Variants in BTBD9 observed in about 807,000 individuals in gnomAD.
BTBD9 encodes the protein BTB domain containing 9, also known as BTB/POZ domain-containing protein 9.
Under a neutral mutation model 64.3 loss-of-function variants are expected in BTBD9, and 49 were observed. That is an observed-to-expected ratio of 0.76 (90% CI 0.61 to 0.97). The LOEUF is 0.97. BTBD9 is among the 50% of genes least tolerant of loss of function. The pLI, the probability that BTBD9 is intolerant of heterozygous loss-of-function variation, is 0.00. For missense variants in BTBD9, 598 were observed against 762.1 expected, an observed-to-expected ratio of 0.78 and a Z score of 2.53; for synonymous variants, 260 against 274.7, an observed-to-expected ratio of 0.95 and a Z score of 0.53.
At chr6:38,545,778 CAA>C (rs1224870392) in intron 6 of BTBD9, among the ~76,000 whole-genome samples, 73 of 68,886 alleles carry the variant, frequency 1.1e-3, no homozygotes, top group African/African-American at 1.6e-3. Flanking sequence ...GACTCCGTCT[CAA>C]AAAAAAAAAA....
intron 6 of BTBD9, among the ~76,000 whole-genome samples, chr6:38,377,136 C>T (rs985482049): frequency 1.3e-5 from 2 of 152,158 alleles, no homozygotes; most frequent in African/African-American, 4.8e-5. Flanking sequence ...ACATGTTTCT[C>T]ATTCAAAGTG....
chr6:38,504,521 CAGTT>C (rs774658728), intron 6 of BTBD9: 20 of 456,720 alleles, frequency 4.4e-5, no homozygotes, highest in South Asian at 3.1e-4. Flanking sequence ...CTGTCACTGT[CAGTT>C]AGATCCCTCT....
chr6:38,577,734 G>GA lies in BTBD9; in HGVS notation c.1035-16dup. ...ATGAGTAAGACCTGTGAATCAAAAG[G>GA]AAAAAGCAGAAAAAAATTACCACAT... On this transcript the variant is annotated splice_polypyrimidine_tract_variant and intron_variant, in intron 5 of 10. Coordinates refer to ENST00000481247, the MANE Select transcript of BTBD9 (RefSeq NM_001099272.2). The GA allele has an allele frequency of 6.3e-7, 1 of 1,590,628 alleles. No homozygotes were observed. The highest frequency in any genetic ancestry group is 8.5e-7 in the Non-Finnish European group (1 of 1,174,462).
intron 6 of BTBD9, among the ~76,000 whole-genome samples, chr6:38,506,777 TA>T (rs1484220875): frequency 1.1e-4 from 16 of 152,240 alleles, no homozygotes; most frequent in African/African-American, 3.6e-4. Context: ...TGACTTTTTT[TA>T]GAATGTAAAT....
chr6:38,442,661 CTTTTTTTT>C (rs11313452), intron 6 of BTBD9, among the ~76,000 whole-genome samples: 157 of 57,572 alleles, frequency 2.7e-3, no homozygotes, highest in African/African-American at 9.6e-3. Flanking sequence ...CATTTGTACT[CTTTTTTTT>C]TTTTTTTTTT....
intron 6 of BTBD9, among the ~76,000 whole-genome samples, chr6:38,466,160 T>C (rs1383033161): frequency 1.3e-5 from 2 of 152,102 alleles, no homozygotes; most frequent in Non-Finnish European, 2.9e-5. Context: ...AACTAAGATG[T>C]CTAATTTATT....
chr6:38,526,158 G>C (rs1412171856), intron 6 of BTBD9, among the ~76,000 whole-genome samples: 1 of 152,232 alleles, frequency 6.6e-6, no homozygotes, highest in African/African-American at 2.4e-5. Flanking sequence ...CTGCTGCTCT[G>C]TGCAGCCTTG....
chr6:38,328,019 C>T (rs1349926106), intron 7 of BTBD9, among the ~76,000 whole-genome samples: 2 of 152,170 alleles, frequency 1.3e-5, no homozygotes, highest in Non-Finnish European at 2.9e-5. Flanking sequence ...TTGTCCCTCA[C>T]TTAAAGTAGG....
At chr6:38,376,319 G>C (rs763010592) in intron 6 of BTBD9, among the ~76,000 whole-genome samples, 2 of 152,144 alleles carry the variant, frequency 1.3e-5, no homozygotes, top group Non-Finnish European at 2.9e-5. Flanking sequence ...TAATGCTGAA[G>C]AGTATTCCAA....
chr6:38,468,335 C>G (rs1770489604), intron 6 of BTBD9, among the ~76,000 whole-genome samples: 3 of 152,204 alleles, frequency 2.0e-5, no homozygotes, highest in African/African-American at 7.2e-5. Context: ...TCCTAACATT[C>G]CCTACATACC....
At chr6:38,545,470 A>G (rs1774489688) in intron 6 of BTBD9, among the ~76,000 whole-genome samples, 1 of 152,052 alleles carries the variant, frequency 6.6e-6, no homozygotes, top group Admixed American at 6.6e-5. Flanking sequence ...GAAACACTGA[A>G]TTGCACACTT....
intron 6 of BTBD9, among the ~76,000 whole-genome samples, chr6:38,463,526 T>C (rs2127355665): frequency 6.6e-6 from 1 of 152,342 alleles, no homozygotes; most frequent in South Asian, 2.1e-4. Flanking sequence ...ATGCCCTTGA[T>C]CAGTTTTAGG....
At chr6:38,260,202 A>G (rs1764742968) in intron 8 of BTBD9, among the ~76,000 whole-genome samples, 1 of 152,188 alleles carries the variant, frequency 6.6e-6, no homozygotes, top group South Asian at 2.1e-4. Flanking sequence ...TGTTCCATAT[A>G]TGTTCTGGAT....
chr6:38,274,930 AT>A (rs1330303534), intron 8 of BTBD9, among the ~76,000 whole-genome samples: 1 of 152,114 alleles, frequency 6.6e-6, no homozygotes, highest in African/African-American at 2.4e-5. Context: ...TTTTCTATTG[AT>A]TTATAGATTC....
At chr6:38,461,218 T>G (rs1395784584) in intron 6 of BTBD9, among the ~76,000 whole-genome samples, 2 of 152,218 alleles carry the variant, frequency 1.3e-5, no homozygotes, top group East Asian at 3.8e-4. Context: ...AGATGAACAA[T>G]TTGTTAATTT....
chr6:38,260,152 A>T (rs1407365314), intron 8 of BTBD9, among the ~76,000 whole-genome samples: 1 of 152,184 alleles, frequency 6.6e-6, no homozygotes, highest in East Asian at 1.9e-4. Flanking sequence ...TCTCTTTTTA[A>T]AAACTCTGCT....
At chr6:38,199,063 C>T (rs1762368807) in intron 9 of BTBD9, among the ~76,000 whole-genome samples, 1 of 152,014 alleles carries the variant, frequency 6.6e-6, no homozygotes, top group African/African-American at 2.4e-5. Context: ...TCCTCAAATC[C>T]CTTCCCCTCC....
At chr6:38,425,843 GGA>G (rs1318619147) in intron 6 of BTBD9, among the ~76,000 whole-genome samples, 2 of 146,688 alleles carry the variant, frequency 1.4e-5, no homozygotes, top group Non-Finnish European at 3.0e-5. Context: ...CTTCAGCCTG[GGA>G]GGTCAAGGCT....
intron 6 of BTBD9, among the ~76,000 whole-genome samples, chr6:38,577,299 T>C (rs1281969115): frequency 6.6e-6 from 1 of 152,246 alleles, no homozygotes; most frequent in Non-Finnish European, 1.5e-5. Flanking sequence ...TACCATTCAC[T>C]GTATAGCACG....
Sources: allele counts gnomAD v4.1 joint callset (sites outside exome capture counted in the v4.1 genomes callset), GRCh38; gene constraint gnomAD v4.1.1; transcripts MANE v1.5; gene names NCBI Gene and HGNC (gene_info 2026-07-23, HGNC 2026-07-21).